JSRP1: variants seen among roughly 807,000 people sequenced by gnomAD.
JSRP1 encodes junctional sarcoplasmic reticulum protein 1.
In JSRP1, 29 loss-of-function variants were observed where a neutral mutation model predicts 21.4. The observed-to-expected ratio is 1.36, with a 90% confidence interval of 1.01 to 1.85. The LOEUF is 1.85. JSRP1 is among the 40% of genes most tolerant of loss of function. JSRP1 has a pLI of 0.00. For synonymous variants in JSRP1, 221 were observed against 206.1 expected, an observed-to-expected ratio of 1.07 and a Z score of -0.62; for missense variants, 531 against 461.5, an observed-to-expected ratio of 1.15 and a Z score of -1.38.
At chr19:2,253,062 A>G in intron 5 of JSRP1, 59 bp from the exon 6 acceptor site, 1 of 1,220,492 alleles carries the variant, frequency 8.2e-7, no homozygotes, top group South Asian at 1.3e-5. Flanking sequence ...CACACTGTCC[A>G]TCCCTCCCTC....
In JSRP1 at chr19:2,253,699, C is replaced by T; in HGVS notation, c.357G>A (p.Trp119Ter). 4 of 1,506,208 alleles carry T rather than the reference C, an allele frequency of 2.7e-6. No homozygotes were observed. The highest frequency in any genetic ancestry group is 3.5e-6 in the Non-Finnish European group (4 of 1,135,004). The allele number at this position is 1,506,208 out of a possible 1,614,324, so 93.3% of individuals were successfully genotyped here. A position where few individuals can be genotyped will look rare whatever the true frequency, so the allele number is the denominator to read the frequency against. The change falls in exon 5 of 7, where the codon TGG becomes TGA. Residue 119 changes from tryptophan (W) to a stop codon, truncating the protein, a stop_gained. Transcript: ENST00000300961. LOFTEE classifies it high-confidence loss of function. Reference protein sequence around the residue: ...PPPALSEELPWGDLSLNKCLV... With the variant: ...PPPALSEELP ...GGCACTTGTTGAGCGACAGGTCTCC[C>T]CAGGGCAGCTCCTCGCTCAGGGCCG...
Position 2,252,298 on chromosome 19 carries a change from AG to A in JSRP1, c.*30del. ...TCGCCAGAGTCGCGGGGCGTCCAGA[AG>A]GGGCCCCTGGACTCCGGCGCGGGGC... On this transcript the variant is annotated 3_prime_UTR_variant, in exon 7 of 7. Transcript: ENST00000300961. The A allele has an allele frequency of 7.0e-7, 1 of 1,428,088 alleles. No individual in the cohort carries two copies. Among genetic ancestry groups the A allele is most frequent in the Non-Finnish European group, 9.2e-7 (1 of 1,090,942 alleles). The allele number at this position is 1,428,088 out of a possible 1,614,324, so 88.5% of individuals were successfully genotyped here.
At chr19:2,255,839 C>T (rs536011412) in intron 1 of JSRP1, among the ~76,000 whole-genome samples, 26 of 152,320 alleles carry the variant, frequency 1.7e-4, no homozygotes, top group African/African-American at 6.0e-4. Flanking sequence ...TGGGCACCCA[C>T]ATCCTGCTGC....
chr19:2,252,282 T>C lies in JSRP1; in HGVS notation c.*47A>G. ...CAGCACTCGCTTTATTTCGCCAGAG[T>C]CGCGGGGCGTCCAGAAGGGGCCCCT... On this transcript the variant is annotated 3_prime_UTR_variant, in exon 7 of 7. Transcript: ENST00000300961. 7.1e-7 allele frequency: 1 copy of C among 1,399,482 alleles called. No individual in the cohort carries two copies. The highest frequency in any genetic ancestry group is 9.4e-7 in the Non-Finnish European group (1 of 1,066,620). The allele number at this position is 1,399,482 out of a possible 1,614,324, so 86.7% of individuals were successfully genotyped here. A position where few individuals can be genotyped will look rare whatever the true frequency, so the allele number is the denominator to read the frequency against.
In JSRP1 at chr19:2,255,219, C is replaced by G. The variant is rs941811965; in HGVS notation, c.96G>C (p.Glu32Asp). 6.2e-7 allele frequency: 1 copy of G among 1,602,618 alleles called. No homozygotes were observed. The highest frequency in any genetic ancestry group is 1.3e-5 in the African/African-American group (1 of 74,638). Residue 32 changes from glutamate to aspartate, a missense_variant, in exon 2 of 7, where the codon GAG (glutamate) becomes GAC (aspartate). Glu to Asp is a conservative substitution (Grantham distance 45). Transcript: ENST00000300961. ...EDHSALAETQ[E>D]DRASATPRLA... ...CCACAAGGGTACCTGAAGCCCTGTC[C>G]TCCTGGGTCTCGGCCAGCGCAGAGT...
At position 2,252,991 on chromosome 19, in the gene JSRP1, C is replaced by G. The variant is rs80043033; in HGVS notation, c.449G>C (p.Gly150Ala). 314,909 of 1,600,646 alleles carry G rather than the reference C, an allele frequency of 0.2. 32,957 individuals carry two copies. The highest frequency in any genetic ancestry group is 0.34 in the East Asian group (14,871 of 44,332). Reference sequence around the variant, plus strand: ...CACACGTGCTTGGAGTGCTGCCTCCCCAGGGACGGCGTCTGCAGCGACAGG... The same window carrying G: ...CACACGTGCTTGGAGTGCTGCCTCCGCAGGGACGGCGTCTGCAGCGACAGG... ...AFQLCRDAVPGEAALQARVPE... is the reference protein window; with the variant it reads ...AFQLCRDAVPAEAALQARVPE... Residue 150 changes from glycine (G) to alanine (A), a missense_variant, in exon 6 of 7, where the codon GGG (glycine) becomes GCG (alanine). Transcript: ENST00000300961.
chr19:2,255,399 GGGCCTGACCT>G (rs2025133274), intron 1 of JSRP1, 55 bp from the exon 2 acceptor site: 1 of 811,662 alleles, frequency 1.2e-6, no homozygotes, highest in Non-Finnish European at 1.9e-6. Context: ...CCACAGGCCT[GGGCCTGACCT>G]GGAGGTTCTG....
intron 2 of JSRP1, 70 bp downstream of exon 2, chr19:2,255,136 T>C: frequency 4.8e-6 from 5 of 1,051,842 alleles, no homozygotes; most frequent in Non-Finnish European, 7.1e-6. Flanking sequence ...CTCTAGTCTC[T>C]GAAGATGGGC....
chr19:2,252,732 C>T lies in JSRP1; in HGVS notation c.593G>A (p.Arg198Lys). The change falls in exon 7 of 7, where the codon AGA becomes AAA. Residue 198 changes from arginine (R) to lysine (K), a missense_variant. Arg to Lys is a conservative substitution (Grantham distance 26). Coordinates refer to ENST00000300961, the MANE Select transcript of JSRP1 (RefSeq NM_144616.4). ...PPAPRAEAEV[R>K]PKIPGSREAA... ...CTCCCGACTCCCGGGAATCTTGGGTCTGACCTCTGCCTCGGCCCGGGGCGC... is the reference window on the plus strand; with the variant it reads ...CTCCCGACTCCCGGGAATCTTGGGTTTGACCTCTGCCTCGGCCCGGGGCGC... 6.2e-7 allele frequency: 1 copy of T among 1,612,622 alleles called. No individual in the cohort carries two copies. The highest frequency in any genetic ancestry group is 8.5e-7 in the Non-Finnish European group (1 of 1,179,946).
At position 2,252,754 on chromosome 19, in the gene JSRP1, G is replaced by A. The variant is rs755333931; in HGVS notation, c.571C>T (p.Pro191Ser). ...AQAPPSAPPA[P>S]RAEAEVRPKI... ...GGTCTGACCTCTGCCTCGGCCCGGG[G>A]CGCAGGCGGCGCTGATGGAGGCGCC... Residue 191 changes from proline to serine, a missense_variant, in exon 7 of 7, where the codon CCC becomes TCC. Coordinates refer to ENST00000300961, the MANE Select transcript of JSRP1 (RefSeq NM_144616.4). 1 of 1,612,442 alleles carries A rather than the reference G, an allele frequency of 6.2e-7. No homozygotes were observed. The highest frequency in any genetic ancestry group is 8.5e-7 in the Non-Finnish European group (1 of 1,179,828).
At position 2,253,746 on chromosome 19, in the gene JSRP1, G is replaced by A. The variant is rs1056385883; in HGVS notation, c.310C>T (p.Leu104=). The change falls in exon 5 of 7, where the codon CTG becomes TTG. Residue 104 remains leucine, a synonymous_variant. Coordinates refer to ENST00000300961, the MANE Select transcript of JSRP1 (RefSeq NM_144616.4). ...GCCGGGGGCGGCGGCGGCGGCTGCA[G>A]GGGCGGCGCGGTCTGCGCCTTCTTG... ...ARKKAQTAPP[L]QPPPPPPALS... The A allele has an allele frequency of 6.6e-5, 98 of 1,479,446 alleles. 1 individual carries two copies. The Admixed American group carries it at 1.8e-3, about 28-fold the overall frequency. The allele number at this position is 1,479,446 out of a possible 1,614,324, so 91.6% of individuals were successfully genotyped here. A position where few individuals can be genotyped will look rare whatever the true frequency, so the allele number is the denominator to read the frequency against.
At chr19:2,253,144 C>T in intron 5 of JSRP1, 141 bp from the exon 6 acceptor site, 2 of 612,520 alleles carry the variant, frequency 3.3e-6, no homozygotes, top group Admixed American at 3.0e-5. Flanking sequence ...AGGATGCCCC[C>T]GAGCCGTGGG....
At chr19:2,255,413 G>A (rs1407751944) in intron 1 of JSRP1, 69 bp from the exon 2 acceptor site, 11 of 657,452 alleles carry the variant, frequency 1.7e-5, no homozygotes, top group Non-Finnish European at 2.7e-5. Context: ...CTGACCTGGA[G>A]GTTCTGCGGA....
chr19:2,253,213 T>C (rs1305476478), intron 5 of JSRP1, among the ~76,000 whole-genome samples: 2 of 152,072 alleles, frequency 1.3e-5, no homozygotes. Flanking sequence ...CTCTTTCAAT[T>C]GGTCATTCTT....
chr19:2,253,383 C>T (rs2025093554), intron 5 of JSRP1, among the ~76,000 whole-genome samples: 1 of 152,230 alleles, frequency 6.6e-6, no homozygotes, highest in Admixed American at 6.5e-5. Flanking sequence ...ATCCGGAAGC[C>T]AGAACCTACT....
chr19:2,253,686 G>A lies in JSRP1; in HGVS notation c.370C>T (p.Leu124Phe). 3 of 1,510,972 alleles carry A rather than the reference G, an allele frequency of 2.0e-6. No individual in the cohort carries two copies. Among genetic ancestry groups the A allele is most frequent in the Non-Finnish European group, 2.6e-6 (3 of 1,136,834 alleles). The allele number at this position is 1,510,972 out of a possible 1,614,324, so 93.6% of individuals were successfully genotyped here. Residue 124 changes from leucine (L) to phenylalanine (F), a missense_variant, in exon 5 of 7, where the codon CTC (leucine) becomes TTC (phenylalanine). Transcript: ENST00000300961. Reference sequence around the variant, plus strand: ...GAGGCGAGCACCAGGCACTTGTTGAGCGACAGGTCTCCCCAGGGCAGCTCC... The same window carrying A: ...GAGGCGAGCACCAGGCACTTGTTGAACGACAGGTCTCCCCAGGGCAGCTCC... ...SEELPWGDLS[L>F]NKCLVLASLV...
Position 2,254,299 on chromosome 19 carries a change from G to A in JSRP1, c.150C>T (p.Asp50=). 2 of 1,597,982 alleles carry A rather than the reference G, an allele frequency of 1.3e-6. No individual in the cohort carries two copies. Among genetic ancestry groups the A allele is most frequent in the Non-Finnish European group, 1.7e-6 (2 of 1,169,004 alleles). Residue 50 remains aspartate, a splice_region_variant and synonymous_variant, in exon 4 of 7, where the codon GAC becomes GAT. Coordinates refer to ENST00000300961, the MANE Select transcript of JSRP1 (RefSeq NM_144616.4). ...CACTGGGGCCTTCAGCCACCTGAGA[G>A]TCCTGTGGTTATCACGAGACATTCC... ...RLADSGSVPH[D]SQVAEGPSVD...
Position 2,252,765 on chromosome 19 carries a change from G to C in JSRP1, c.560C>G (p.Ala187Gly). The C allele has an allele frequency of 6.2e-7, 1 of 1,612,104 alleles. No homozygotes were observed. Among genetic ancestry groups the C allele is most frequent in the Non-Finnish European group, 8.5e-7 (1 of 1,179,682 alleles). Residue 187 changes from alanine to glycine, a missense_variant, in exon 7 of 7, where the codon GCG becomes GGG. Ala to Gly is a moderately conservative substitution (Grantham distance 60). Coordinates refer to ENST00000300961, the MANE Select transcript of JSRP1 (RefSeq NM_144616.4). Reference sequence around the variant, plus strand: ...TGCCTCGGCCCGGGGCGCAGGCGGCGCTGATGGAGGCGCCTGGGCCTCGAA... The same window carrying C: ...TGCCTCGGCCCGGGGCGCAGGCGGCCCTGATGGAGGCGCCTGGGCCTCGAA... ...PKFEAQAPPS[A>G]PPAPRAEAEV...
chr19:2,252,615 T>G lies in JSRP1; in HGVS notation c.710A>C (p.Glu237Ala). Residue 237 changes from glutamate to alanine, a missense_variant, in exon 7 of 7, where the codon GAG becomes GCG. Coordinates refer to ENST00000300961, the MANE Select transcript of JSRP1 (RefSeq NM_144616.4). ...CGGCTTCCCCTCTCTCCGAGGCCTCTCCTTGGGTCCCCGGTCTGCGAGGGT... is the reference window on the plus strand; with the variant it reads ...CGGCTTCCCCTCTCTCCGAGGCCTCGCCTTGGGTCCCCGGTCTGCGAGGGT... ...RVTLADRGPKERPRREGKPRK... is the reference protein window; with the variant it reads ...RVTLADRGPKARPRREGKPRK... The G allele has an allele frequency of 6.2e-7, 1 of 1,612,610 alleles. No homozygotes were observed. Among genetic ancestry groups the G allele is most frequent in the Non-Finnish European group, 8.5e-7 (1 of 1,179,912 alleles).
Sources: gnomAD v4.1 joint callset for allele counts (sites outside exome capture counted in the v4.1 genomes callset) on GRCh38, gnomAD v4.1.1 for gene constraint, MANE v1.5 for transcripts, NCBI Gene and HGNC (gene_info 2026-07-23, HGNC 2026-07-21) for gene names.